Variants in FOXN3 observed in about 807,000 individuals in gnomAD.
FOXN3 encodes the protein forkhead box protein N3.
A neutral mutation model predicts 38.4 loss-of-function variants in FOXN3; 7 were observed. The ratio of observed to expected loss-of-function variants is 0.18; its 90% CI spans 0.10 to 0.34. The LOEUF (loss-of-function observed/expected upper bound fraction) is 0.34, where lower values mean the gene tolerates loss of function less well. FOXN3 is among the 10% of genes least tolerant of loss of function. The pLI, the probability that FOXN3 is intolerant of heterozygous loss-of-function variation, is 1.00. For synonymous variants in FOXN3, 230 were observed against 242.2 expected, an observed-to-expected ratio of 0.95 and a Z score of 0.47; for missense variants, 456 against 613.4, an observed-to-expected ratio of 0.74 and a Z score of 2.71.
chr14:89,591,262 C>T (rs897345892), intron 1 of FOXN3, among the ~76,000 whole-genome samples: 1 of 152,168 alleles, frequency 6.6e-6, no homozygotes, highest in Non-Finnish European at 1.5e-5. Flanking sequence ...AGAGATGAGA[C>T]ATCAGACTGA....
rs192474235 is a variant in FOXN3, at chr14:89,438,835, C to T, written c.-14-26345G>A. On this transcript the variant is annotated intron_variant, in intron 1 of 6. Coordinates refer to the FOXN3 transcript ENST00000345097. ...CTAGAGTGCAATGGCGCAATCTCGG[C>T]CCACTGCAACCTCCGCCTCCCAGGT... Among the ~76,000 whole-genome samples, 1,148 of 151,996 alleles carry T rather than the reference C, an allele frequency of 7.6e-3. 10 individuals are homozygous for T. The highest frequency in any genetic ancestry group is 0.027 in the African/African-American group (1,100 of 41,454).
intron 1 of FOXN3, among the ~76,000 whole-genome samples, chr14:89,512,981 A>G (rs1014855488): frequency 7.2e-5 from 11 of 152,018 alleles, no homozygotes. Context: ...CTCTGCTAAA[A>G]ATACAAACAT....
chr14:89,360,668 C>T (rs933844062), intron 2 of FOXN3, among the ~76,000 whole-genome samples: 5 of 151,630 alleles, frequency 3.3e-5, no homozygotes, highest in Non-Finnish European at 7.4e-5. Flanking sequence ...CCGCAGGTTC[C>T]CCCATGTTTC....
chr14:89,180,899 A>AGC (rs1887650374), intron 4 of FOXN3, 93 bp from the exon 5 acceptor site: 1 of 550,958 alleles, frequency 1.8e-6, no homozygotes, highest in African/African-American at 3.7e-5. Context: ...CCAATAAGAG[A>AGC]GAGAGAGAGA....
At chr14:89,540,958 G>A (rs1258831888) in intron 1 of FOXN3, among the ~76,000 whole-genome samples, 2 of 152,038 alleles carry the variant, frequency 1.3e-5, no homozygotes, top group African/African-American at 4.8e-5. Flanking sequence ...TGAAGGAACT[G>A]AATGAATGAA....
At chr14:89,511,141 T>TTTTCTC (rs1894051063) in intron 1 of FOXN3, among the ~76,000 whole-genome samples, 2 of 20,996 alleles carry the variant, frequency 9.5e-5, no homozygotes, top group African/African-American at 1.9e-4. Context: ...TCTTTCTTTC[T>TTTTCTC]TTTCTTTCTT....
intron 4 of FOXN3, among the ~76,000 whole-genome samples, chr14:89,204,595 C>A (rs975682839): frequency 6.6e-6 from 1 of 152,160 alleles, no homozygotes; most frequent in Non-Finnish European, 1.5e-5. Flanking sequence ...AAAAATAAAA[C>A]AAAGCGCCAA....
intron 2 of FOXN3, among the ~76,000 whole-genome samples, chr14:89,376,763 T>C (rs985132209): frequency 1.3e-5 from 2 of 151,902 alleles, no homozygotes; most frequent in Admixed American, 1.3e-4. Context: ...CCTATAATCC[T>C]AGCACTTTGG....
chr14:89,312,730 G>C (rs1385667379), intron 3 of FOXN3, among the ~76,000 whole-genome samples: 1 of 152,174 alleles, frequency 6.6e-6, no homozygotes, highest in Non-Finnish European at 1.5e-5. Flanking sequence ...TTGTAGAGTA[G>C]ATATATACTA....
chr14:89,459,305 C>T (rs1041939630), intron 1 of FOXN3, among the ~76,000 whole-genome samples: 5 of 152,146 alleles, frequency 3.3e-5, no homozygotes, highest in Admixed American at 1.3e-4. Flanking sequence ...CCTAAAAGGT[C>T]ACATTATTTC....
chr14:89,534,829 G>A (rs1014384974), intron 1 of FOXN3, among the ~76,000 whole-genome samples: 1 of 152,186 alleles, frequency 6.6e-6, no homozygotes, highest in Non-Finnish European at 1.5e-5. Flanking sequence ...TCCCTCTGAT[G>A]CCAAGAGGCC....
chr14:89,612,285 G>A (rs962547783), intron 1 of FOXN3, among the ~76,000 whole-genome samples: 5 of 152,048 alleles, frequency 3.3e-5, no homozygotes, highest in Admixed American at 2.0e-4. Context: ...AAGGCCCCTC[G>A]CTAGTGTGAT....
intron 2 of FOXN3, among the ~76,000 whole-genome samples, chr14:89,373,836 T>C (rs1465504109): frequency 1.3e-5 from 2 of 152,108 alleles, no homozygotes; most frequent in Non-Finnish European, 2.9e-5. Context: ...AAACTAAAAA[T>C]TAAGTCAAAG....
chr14:89,443,949 C>G (rs1315483400), intron 1 of FOXN3, among the ~76,000 whole-genome samples: 1 of 132,360 alleles, frequency 7.6e-6, no homozygotes, highest in African/African-American at 2.9e-5. Flanking sequence ...GTGGAGGTTG[C>G]AGTGAGCCAA....
intron 4 of FOXN3, among the ~76,000 whole-genome samples, chr14:89,253,509 G>A (rs1005253949): frequency 6.6e-6 from 1 of 152,192 alleles, no homozygotes; most frequent in East Asian, 1.9e-4. Context: ...AACCTTAGTT[G>A]TGAGCACAGA....
At chr14:89,338,534 C>T (rs1888528834) in intron 3 of FOXN3, among the ~76,000 whole-genome samples, 8 of 152,184 alleles carry the variant, frequency 5.3e-5, no homozygotes, top group Admixed American at 5.2e-4. Context: ...TGGCTCACGC[C>T]TGTAATCCCA....
chr14:89,263,458 T>A (rs1404088267), intron 4 of FOXN3: 1 of 152,180 alleles, frequency 6.6e-6, no homozygotes, highest in Non-Finnish European at 1.5e-5. Context: ...ATTAACAACA[T>A]CAATAACAAG....
At chr14:89,185,219 T>C (rs539960261) in intron 4 of FOXN3, among the ~76,000 whole-genome samples, 1 of 152,314 alleles carries the variant, frequency 6.6e-6, no homozygotes, top group East Asian at 1.9e-4. Flanking sequence ...GTGCTCGTGT[T>C]TGCTCACCAG....
chr14:89,247,800 T>A (rs1885340328), intron 4 of FOXN3, among the ~76,000 whole-genome samples: 2 of 152,208 alleles, frequency 1.3e-5, no homozygotes, highest in Non-Finnish European at 2.9e-5. Flanking sequence ...CCCATCACAA[T>A]TAGAATAAAA....
Sources: allele counts gnomAD v4.1 joint callset (sites outside exome capture counted in the v4.1 genomes callset), GRCh38; gene constraint gnomAD v4.1.1; transcripts MANE v1.5; gene names NCBI Gene and HGNC (gene_info 2026-07-23, HGNC 2026-07-21).